The following ZNF331 variants were observed in gnomAD, a reference collection of about 807,000 sequenced individuals.
The protein encoded by ZNF331 is zinc finger protein 331.
In ZNF331, 2 loss-of-function variants were observed where a neutral mutation model predicts 7.0. The observed-to-expected ratio is 0.29, with a 90% CI of 0.12 to 0.90. ZNF331 has a LOEUF of 0.90. Ranked by LOEUF, ZNF331 falls within the 40% of genes least tolerant of loss-of-function variation. ZNF331 has a pLI of 0.58. For missense variants in ZNF331, 432 were observed against 587.7 expected (o/e 0.74, Z 2.74); for synonymous variants, 196 against 205.4 (o/e 0.95, Z 0.39).
At chr19:53,550,904 G>A in intron 2 of ZNF331, among the ~76,000 whole-genome samples, 1 of 146,412 alleles carries the variant, frequency 6.8e-6, no homozygotes, top group South Asian at 2.2e-4. Context: ...AGTCTGGAGT[G>A]CAAGGTGCAA....
chr19:53,559,602 T>C (rs1298066510), intron 3 of ZNF331, among the ~76,000 whole-genome samples: 1 of 140,972 alleles, frequency 7.1e-6, no homozygotes, highest in Admixed American at 7.5e-5. Flanking sequence ...TACATGTACA[T>C]ACACACCCCA....
chr19:53,567,915 A>G (rs2090235884), intron 3 of ZNF331, among the ~76,000 whole-genome samples: 1 of 151,970 alleles, frequency 6.6e-6, no homozygotes. Context: ...TCATGGTTAC[A>G]GTTTATTACA....
upstream of ZNF331, among the ~76,000 whole-genome samples, chr19:53,520,039 C>CTTA (rs138557099): frequency 0.015 from 2,284 of 151,156 alleles, 35 homozygotes; most frequent in African/African-American, 0.036. Context: ...GCTTTCCGGG[C>CTTA]TTATTATTAT....
At chr19:53,518,298 G>A (rs2086953219), upstream of ZNF331, among the ~76,000 whole-genome samples, 1 of 152,094 alleles carries the variant, frequency 6.6e-6, no homozygotes, top group East Asian at 1.9e-4. Flanking sequence ...TGGTTTGCCG[G>A]GGGCCCTGTG....
rs2147506562 is a variant in ZNF331, at chr19:53,558,941, A to G, written c.-74+3033A>G. On this transcript the variant is annotated intron_variant, in intron 3 of 5. Transcript: ENST00000449416. This position sits in a 1 kb window ranked among gnomAD's most constrained non-coding sequence, Gnocchi z 4.5. ...ATATACACACACATACACACCATAC[A>G]CACATATACACATACCATATACACA... is the stretch of plus-strand genomic sequence containing the variant. Among the ~76,000 whole-genome samples, 1 of 98,874 alleles carries G rather than the reference A, an allele frequency of 1.0e-5. No individual in the cohort carries two copies. Among genetic ancestry groups the G allele is most frequent in the South Asian group, 2.5e-4 (1 of 3,952 alleles). 64.9% of individuals were successfully genotyped at this position (98,874 alleles called of 152,430 possible).
upstream of ZNF331, among the ~76,000 whole-genome samples, chr19:53,533,575 G>A (rs951157325): frequency 4.6e-5 from 7 of 152,104 alleles, no homozygotes; most frequent in African/African-American, 1.7e-4. Context: ...GTCCTTTGTC[G>A]AAAGTAGGAT....
chr19:53,520,631 G>A (rs1251342115), upstream of ZNF331, among the ~76,000 whole-genome samples: 2 of 152,250 alleles, frequency 1.3e-5, no homozygotes, highest in African/African-American at 2.4e-5. Flanking sequence ...AAAGCATTCT[G>A]ACGGCCGCGC....
chr19:53,535,018 CAAAAAAA>C (rs59509834), upstream of ZNF331, among the ~76,000 whole-genome samples: 3 of 127,356 alleles, frequency 2.4e-5, no homozygotes, highest in Admixed American at 8.5e-5. Flanking sequence ...AGCCTGTAAC[CAAAAAAA>C]AAAAAAAAAA....
intron 2 of ZNF331, chr19:53,554,732 C>T (rs903171416): frequency 6.6e-6 from 1 of 152,216 alleles, no homozygotes; most frequent in Admixed American, 6.5e-5. Flanking sequence ...GAGACGGGCA[C>T]GGAGCTTCTA....
chr19:53,533,493 C>T (rs73935649), upstream of ZNF331, among the ~76,000 whole-genome samples: 2,556 of 152,264 alleles, frequency 0.017, 74 homozygotes, highest in African/African-American at 0.06. Context: ...CTGTATACAT[C>T]TGATAAGTCC....
chr19:53,568,522 G>T (rs2090275237), intron 3 of ZNF331, among the ~76,000 whole-genome samples: 1 of 152,124 alleles, frequency 6.6e-6, no homozygotes, highest in South Asian at 2.1e-4. Context: ...GTGACCAAAA[G>T]CTCCTACCCC....
chr19:53,577,614 G>A lies in ZNF331; in HGVS notation c.1054G>A (p.Glu352Lys), dbSNP rs374645507. The change falls in exon 6 of 6, where the codon GAG becomes AAG. Residue 352 changes from glutamate (E) to lysine (K), a missense_variant. Transcript: ENST00000449416. ...LVKHERIHTG[E>K]KPYKCTECGK... ...TAAGCACGAGAGGATACATACGGGC[G>A]AGAAGCCGTACAAGTGCACAGAATG... The A allele has an allele frequency of 4.3e-6, 7 of 1,613,786 alleles. No individual in the cohort carries two copies. The highest frequency in any genetic ancestry group is 2.2e-5 in the East Asian group (1 of 44,848).
chr19:53,564,011 G>A (rs1413316644), intron 3 of ZNF331, among the ~76,000 whole-genome samples: 1 of 124,778 alleles, frequency 8.0e-6, no homozygotes, highest in East Asian at 2.7e-4. Context: ...CCAGCCTGGC[G>A]ACAGAGCGAG....
At chr19:53,507,168 C>A in the ZNF331 span, among the ~76,000 whole-genome samples, 1 of 152,128 alleles carries the variant, frequency 6.6e-6, no homozygotes, top group Non-Finnish European at 1.5e-5. Context: ...ATGATTTTGT[C>A]ATCTGCAGCC....
intron 2 of ZNF331, among the ~76,000 whole-genome samples, chr19:53,550,057 T>C (rs2088883818): frequency 6.6e-6 from 1 of 152,248 alleles, no homozygotes; most frequent in Admixed American, 6.5e-5. Flanking sequence ...TTTCTCCCGT[T>C]ATTGATTTCC....
rs751571163 is a variant in ZNF331 at position 53,578,792 on chromosome 19, GTTGTTTTTGTTT to G, written c.*855_*866del. The G allele has an allele frequency of 3.4e-5, 7 of 202,958 alleles. No homozygotes were observed. Among genetic ancestry groups the G allele is most frequent in the African/African-American group, 9.2e-5 (4 of 43,566 alleles). The allele number at this position is 202,958 out of a possible 1,614,324, so 12.6% of individuals were successfully genotyped here. A position where few individuals can be genotyped will look rare whatever the true frequency, so the allele number is the denominator to read the frequency against. ...TTAACGTAAGGCTTCACTGATCACT[GTTGTTTTTGTTT>G]TTGTTTTTGTTTTTTTGAGACAGAG... is the stretch of plus-strand genomic sequence containing the variant. On this transcript the variant is annotated 3_prime_UTR_variant, in exon 6 of 6. Transcript: ENST00000449416.
intron 3 of ZNF331, among the ~76,000 whole-genome samples, chr19:53,557,191 C>A (rs547313767): frequency 2.6e-5 from 4 of 151,980 alleles, no homozygotes; most frequent in Non-Finnish European, 5.9e-5. Flanking sequence ...CTCCTGAGCT[C>A]AAGCAATCCT....
chr19:53,523,940 T>A (rs549805620), intron 2 of ZNF331, among the ~76,000 whole-genome samples: 1 of 152,230 alleles, frequency 6.6e-6, no homozygotes, highest in South Asian at 2.1e-4. Context: ...CGGGCCCTGG[T>A]GTGTGATATT....
At chr19:53,509,389 A>C in the ZNF331 span, among the ~76,000 whole-genome samples, 1 of 152,124 alleles carries the variant, frequency 6.6e-6, no homozygotes, top group African/African-American at 2.4e-5. Flanking sequence ...CACTGTACTA[A>C]TTTCATCATG....
Sources: gnomAD v4.1 joint callset for allele counts (sites outside exome capture counted in the v4.1 genomes callset) on GRCh38, gnomAD v4.1.1 for gene constraint, Gnocchi (gnomAD v3.1) non-coding constraint, MANE v1.5 for transcripts, NCBI Gene and HGNC (gene_info 2026-07-23, HGNC 2026-07-21) for gene names.